Variants in ANO7 observed in about 807,000 individuals in gnomAD.
ANO7 encodes the protein anoctamin-7.
A neutral mutation model predicts 115.8 loss-of-function variants in ANO7; 114 were observed. The ratio of observed to expected loss-of-function variants is 0.98; its 90% confidence interval spans 0.85 to 1.15. The LOEUF is 1.15. ANO7 is among the 50% of genes most tolerant of loss of function. The pLI, the probability that ANO7 is intolerant of heterozygous loss-of-function variation, is 0.00. For missense variants in ANO7, 1,302 were observed against 1,201.2 expected (o/e 1.08, Z -1.24); for synonymous variants, 550 against 498.2 (o/e 1.10, Z -1.38).
the ANO7 span, among the ~76,000 whole-genome samples, chr2:241,232,312 G>A: frequency 1.4e-5 from 2 of 147,926 alleles, no homozygotes; most frequent in African/African-American, 5.0e-5. Context: ...GTCTCACTCT[G>A]TCGCCCAGGC....
intron 10 of ANO7, among the ~76,000 whole-genome samples, chr2:241,205,269 C>T (rs903936332): frequency 1.3e-4 from 19 of 145,536 alleles, no homozygotes; most frequent in Admixed American, 6.2e-4. Context: ...GCAGACGGGG[C>T]GCTCCCAGGC....
chr2:241,240,227 T>G, the ANO7 span: 2 of 1,062,422 alleles, frequency 1.9e-6, no homozygotes, highest in Non-Finnish European at 2.9e-6. This position sits in a 1 kb window ranked among gnomAD's most constrained non-coding sequence, Gnocchi z 5.5. Context: ...CCCCTTACAT[T>G]GTCACCAGTG....
At chr2:241,199,041 A>C in intron 4 of ANO7, 1 of 439,618 alleles carries the variant, frequency 2.3e-6, no homozygotes. Flanking sequence ...CCCTAGCCTT[A>C]GGGGAGGCTG....
At chr2:241,226,110 C>T (rs1278932454), downstream of ANO7, among the ~76,000 whole-genome samples, 1 of 152,066 alleles carries the variant, frequency 6.6e-6, no homozygotes, top group Non-Finnish European at 1.5e-5. Context: ...CCCCGATGCC[C>T]ACGTGCGCCC....
intron 17 of ANO7, 77 bp downstream of exon 17, chr2:241,212,703 G>A: frequency 6.8e-7 from 1 of 1,474,310 alleles, no homozygotes. Context: ...TTCGAGCTTT[G>A]ATTTGCAGCA....
At chr2:241,195,975 G>GA in intron 4 of ANO7, 130 bp downstream of exon 4, 2 of 1,569,314 alleles carry the variant, frequency 1.3e-6, no homozygotes. Context: ...AGTCCTGCTG[G>GA]ACCCCCCAGC....
Position 241,204,860 on chromosome 2 carries a change from TACAGGGTTTTAC to T in ANO7, c.891_902del (p.Phe298_Gly301del). ...GATGGTGGACCCCTGCCATCCTCTC[TACAGGGTTTTAC>T]ACAGGCTGGCTCCTGCCAGCGGCAG... On this transcript the variant is annotated splice_acceptor_variant and splice_polypyrimidine_tract_variant and coding_sequence_variant and intron_variant, in exon 10 of 25. Coordinates refer to ENST00000674324, the MANE Select transcript of ANO7 (RefSeq NM_001370694.2). LOFTEE classifies it high-confidence loss of function. 3.7e-6 allele frequency: 6 copies of T among 1,613,034 alleles called. No homozygotes were observed. The highest frequency in any genetic ancestry group is 5.1e-6 in the Non-Finnish European group (6 of 1,179,242).
In ANO7 at chr2:241,215,023, T is replaced by TGGGGAG. The variant is rs1016917554; in HGVS notation, c.1826+134_1826+139dup. The TGGGGAG allele has an allele frequency of 5.1e-4, 471 of 915,566 alleles. 9 individuals are homozygous for TGGGGAG. The Admixed American group carries it at 0.01, about 20-fold the overall frequency. The allele number at this position is 915,566 out of a possible 1,614,324, so 56.7% of individuals were successfully genotyped here. ...AGAGGTGAAGGGAAGGCACCTTGCC[T>TGGGGAG]GGGGAGGGGGAGGGGGAGTGTGCCC... On this transcript the variant is annotated intron_variant, in intron 18 of 24. Coordinates refer to ENST00000674324, the MANE Select transcript of ANO7 (RefSeq NM_001370694.2).
rs1474061307 is a variant in ANO7, at chr2:241,209,736, C to T, written c.1359+101C>T. The T allele has an allele frequency of 3.4e-5, 48 of 1,431,224 alleles. No individual in the cohort carries two copies. The South Asian group carries it at 6.3e-4, about 19-fold the overall frequency. 88.7% of individuals were successfully genotyped at this position (1,431,224 alleles called of 1,614,324 possible). A position where few individuals can be genotyped will look rare whatever the true frequency, so the allele number is the denominator to read the frequency against. ...CCTTGGTGCCGTGGCCAGATGCCTC[C>T]TCTGGGCACAGAACCCTCACTCCCC... On this transcript the variant is annotated intron_variant, in intron 13 of 24. Coordinates refer to ENST00000674324, the MANE Select transcript of ANO7 (RefSeq NM_001370694.2).
downstream of ANO7, chr2:241,229,419 C>G: frequency 3.6e-6 from 2 of 558,400 alleles, no homozygotes; most frequent in Non-Finnish European, 6.5e-6. Context: ...TGAGCGGGCA[C>G]GGCCAGGCCT....
At position 241,224,111 on chromosome 2, in the gene ANO7, G is replaced by C. The variant is rs774275553; in HGVS notation, c.2598G>C (p.Trp866Cys). ...QPEGSELSSH[W>C]TPFTVPKASQ... ...CCTCTCCCCAGCTCAGCTCCCACTG[G>C]ACACCCTTCACGGTTCCCAAGGCCA... Residue 866 changes from tryptophan to cysteine, a missense_variant, in exon 25 of 25, where the codon TGG becomes TGC. Trp to Cys is a radical substitution (Grantham distance 215). Coordinates refer to ENST00000674324, the MANE Select transcript of ANO7 (RefSeq NM_001370694.2). 6.2e-7 allele frequency: 1 copy of C among 1,613,930 alleles called. No homozygotes were observed. Among genetic ancestry groups the C allele is most frequent in the African/African-American group, 1.3e-5 (1 of 74,886 alleles).
Position 241,214,796 on chromosome 2 carries a change from C to G in ANO7, c.1729-9C>G. On this transcript the variant is annotated splice_polypyrimidine_tract_variant and intron_variant, in intron 17 of 24. Transcript: ENST00000674324. Reference sequence around the variant, plus strand: ...CCTCTCCCAGCTAACCTGAGCCCTGCTGCCGTAGTGCGCGGCTGGAGGCTG... The same window carrying G: ...CCTCTCCCAGCTAACCTGAGCCCTGGTGCCGTAGTGCGCGGCTGGAGGCTG... The G allele has an allele frequency of 6.2e-7, 1 of 1,609,934 alleles. No individual in the cohort carries two copies. The highest frequency in any genetic ancestry group is 1.3e-5 in the African/African-American group (1 of 75,028).
At chr2:241,216,843 T>C (rs2068842155) in intron 19 of ANO7, among the ~76,000 whole-genome samples, 1 of 152,124 alleles carries the variant, frequency 6.6e-6, no homozygotes, top group African/African-American at 2.4e-5. Flanking sequence ...TGTTTTTGTT[T>C]TGTTTTTTGA....
At chr2:241,230,171 G>A, downstream of ANO7, 2 of 1,613,428 alleles carry the variant, frequency 1.2e-6, no homozygotes, top group Non-Finnish European at 1.7e-6. This position sits in a 1 kb window ranked among gnomAD's most constrained non-coding sequence, Gnocchi z 5.0. Flanking sequence ...CCTCCAGATT[G>A]AGGATGTGGT....
Position 241,218,332 on chromosome 2 carries a change from C to A in ANO7, c.2272C>A (p.Leu758Met). 1 of 1,504,780 alleles carries A rather than the reference C, an allele frequency of 6.6e-7. No individual in the cohort carries two copies. The highest frequency in any genetic ancestry group is 8.8e-7 in the Non-Finnish European group (1 of 1,132,992). The allele number at this position is 1,504,780 out of a possible 1,614,324, so 93.2% of individuals were successfully genotyped here. A position where few individuals can be genotyped will look rare whatever the true frequency, so the allele number is the denominator to read the frequency against. Residue 758 changes from leucine to methionine, a missense_variant, in exon 21 of 25, where the codon CTG becomes ATG. Coordinates refer to ENST00000674324, the MANE Select transcript of ANO7 (RefSeq NM_001370694.2). ...HDLRGFLNFTLARAPSSFAAA... is the reference protein window; with the variant it reads ...HDLRGFLNFTMARAPSSFAAA... ...CCTGCGCGGCTTCCTCAACTTCACG[C>A]TGGCGCGAGCCCCGTCCTCCTTCGC...
At chr2:241,216,309 G>A in intron 19 of ANO7, 71 bp downstream of exon 19, 6 of 1,467,904 alleles carry the variant, frequency 4.1e-6, no homozygotes, top group Non-Finnish European at 5.4e-6. Flanking sequence ...TCTGCTCAAG[G>A]GCCTCCCAGC....
At chr2:241,200,696 C>G (rs2068451018) in intron 6 of ANO7, among the ~76,000 whole-genome samples, 1 of 152,268 alleles carries the variant, frequency 6.6e-6, no homozygotes, top group Admixed American at 6.5e-5. Context: ...GGCACCAGGC[C>G]TACAGACTAG....
intron 18 of ANO7, 129 bp from the exon 19 acceptor site, chr2:241,215,964 C>T: frequency 8.3e-7 from 1 of 1,198,836 alleles, no homozygotes; most frequent in Non-Finnish European, 1.2e-6. Flanking sequence ...GCCCCAGACC[C>T]CATCCCTCCC....
the ANO7 span, among the ~76,000 whole-genome samples, chr2:241,239,372 C>T: frequency 1.3e-5 from 2 of 152,034 alleles, no homozygotes; most frequent in Non-Finnish European, 2.9e-5. This position sits in a 1 kb window ranked among gnomAD's most constrained non-coding sequence, Gnocchi z 4.6. Context: ...CTCCTTCTCT[C>T]TCTCTTTTTT....
Sources: gnomAD v4.1 joint callset for allele counts (sites outside exome capture counted in the v4.1 genomes callset) on GRCh38, gnomAD v4.1.1 for gene constraint, Gnocchi (gnomAD v3.1) non-coding constraint, MANE v1.5 for transcripts, NCBI Gene and HGNC (gene_info 2026-07-23, HGNC 2026-07-21) for gene names.